The following DGKB variants were observed in gnomAD, a reference collection of about 807,000 sequenced individuals.
The protein encoded by DGKB is 90 kDa diacylglycerol kinase.
DGKB carries 67 observed loss-of-function variants against 114.3 expected under a neutral mutation model. That is an observed-to-expected ratio of 0.59 (90% CI 0.48 to 0.72). The LOEUF (loss-of-function observed/expected upper bound fraction) is 0.72, where lower values mean the gene tolerates loss of function less well. Among genes scored for constraint, DGKB ranks in the 30% least tolerant of loss-of-function variants. The probability of loss-of-function intolerance (pLI) is 0.00; values close to 1 mark genes in which losing one functional copy is unlikely to be tolerated. For synonymous variants in DGKB, 398 were observed against 323.1 expected, an observed-to-expected ratio of 1.23 and a Z score of -2.49; for missense variants, 907 against 975.2, an observed-to-expected ratio of 0.93 and a Z score of 0.93.
At chr7:14,200,048 C>G (rs1249997713) in intron 23 of DGKB, among the ~76,000 whole-genome samples, 1 of 151,994 alleles carries the variant, frequency 6.6e-6, no homozygotes, top group Non-Finnish European at 1.5e-5. Flanking sequence ...GCCTTTAAGT[C>G]TAGAACTTCT....
upstream of DGKB, among the ~76,000 whole-genome samples, chr7:14,905,996 C>T (rs1230797453): frequency 6.6e-6 from 1 of 152,116 alleles, no homozygotes. Flanking sequence ...ATCTATCACT[C>T]ACAGGCTCCA....
chr7:14,651,590 A>G (rs1814506553), intron 13 of DGKB, among the ~76,000 whole-genome samples: 1 of 144,842 alleles, frequency 6.9e-6, no homozygotes, highest in South Asian at 2.3e-4. Context: ...AACTGGCACA[A>G]GACAGGGATG....
At chr7:14,716,396 G>A (rs10499461) in intron 6 of DGKB, among the ~76,000 whole-genome samples, 3,235 of 152,220 alleles carry the variant, frequency 0.021, 108 homozygotes, top group African/African-American at 0.074. Flanking sequence ...TAGCTACCCT[G>A]GAAGTATGAG....
intron 2 of DGKB, among the ~76,000 whole-genome samples, chr7:14,788,936 G>A (rs1840272112): frequency 6.6e-6 from 1 of 152,078 alleles, no homozygotes; most frequent in Admixed American, 6.5e-5. Flanking sequence ...CCAAAGGTGG[G>A]AGGCAGCACA....
At chr7:14,788,621 G>A (rs1681515709) in intron 2 of DGKB, among the ~76,000 whole-genome samples, 2 of 152,228 alleles carry the variant, frequency 1.3e-5, no homozygotes, top group Admixed American at 1.3e-4. Flanking sequence ...CTCAGAACCT[G>A]CAGAAATTAT....
In DGKB at chr7:14,164,453, A is replaced by G. The variant is rs1784353593; in HGVS notation, c.2304+12386T>C. Among the ~76,000 whole-genome samples, 3 of 152,368 alleles carry G rather than the reference A, an allele frequency of 2.0e-5. 1 individual carries two copies. The South Asian group carries it at 6.2e-4, about 32-fold the overall frequency. ...TATTTAATGATATTTAAAGTTAAAGAATTTAATGCAACGGTCTTGGGAGAT... is the reference window on the plus strand; with the variant it reads ...TATTTAATGATATTTAAAGTTAAAGGATTTAATGCAACGGTCTTGGGAGAT... On this transcript the variant is annotated intron_variant, in intron 25 of 25. Coordinates refer to ENST00000402815, the MANE Select transcript of DGKB (RefSeq NM_001350709.2).
chr7:14,653,517 A>AG (rs1294311142), intron 13 of DGKB, among the ~76,000 whole-genome samples: 1 of 142,598 alleles, frequency 7.0e-6, no homozygotes, highest in Non-Finnish European at 1.5e-5. Flanking sequence ...GGGTGGGGGT[A>AG]GGGGGGAGGG....
intron 5 of DGKB, among the ~76,000 whole-genome samples, chr7:14,721,981 CTG>C (rs1829246465): frequency 6.6e-6 from 1 of 152,162 alleles, no homozygotes; most frequent in African/African-American, 2.4e-5. Flanking sequence ...AAATATCTCT[CTG>C]TGTTTCACAT....
chr7:14,472,607 G>C (rs570691035), intron 21 of DGKB, among the ~76,000 whole-genome samples: 3 of 152,188 alleles, frequency 2.0e-5, no homozygotes, highest in Non-Finnish European at 4.4e-5. Context: ...CTGGGTAACA[G>C]GCAGAGGTTG....
intron 22 of DGKB, among the ~76,000 whole-genome samples, chr7:14,340,424 G>A (rs1811424267): frequency 6.6e-6 from 1 of 151,444 alleles, no homozygotes; most frequent in Non-Finnish European, 1.5e-5. Flanking sequence ...TAATTAGATA[G>A]TACATATTTT....
At chr7:14,603,252 GCATTTTATTTTATGATTAAT>G (rs1279725722) in intron 17 of DGKB, among the ~76,000 whole-genome samples, 3 of 152,050 alleles carry the variant, frequency 2.0e-5, no homozygotes, top group Non-Finnish European at 4.4e-5. Flanking sequence ...CGAATCATCT[GCATTTTATTTTATGATTAAT>G]CATGAGAAGG....
chr7:14,339,629 C>T (rs1811283864), intron 22 of DGKB, among the ~76,000 whole-genome samples: 1 of 151,982 alleles, frequency 6.6e-6, no homozygotes, highest in South Asian at 2.1e-4. Flanking sequence ...CAAGACTATT[C>T]TGTATTTTTA....
chr7:14,625,266 T>A (rs1018521121), intron 14 of DGKB, among the ~76,000 whole-genome samples: 7 of 152,272 alleles, frequency 4.6e-5, no homozygotes, highest in Non-Finnish European at 7.4e-5. Flanking sequence ...ATGTGTGGAA[T>A]TTGTGCAATT....
chr7:14,825,014 A>ATT (rs1845471345), intron 2 of DGKB, among the ~76,000 whole-genome samples: 1 of 77,994 alleles, frequency 1.3e-5, no homozygotes, highest in Non-Finnish European at 2.3e-5. Flanking sequence ...ATGTATGTGT[A>ATT]TGTATATATA....
intron 21 of DGKB, among the ~76,000 whole-genome samples, chr7:14,445,148 T>C (rs1830562843): frequency 6.6e-6 from 1 of 151,910 alleles, no homozygotes; most frequent in African/African-American, 2.4e-5. Context: ...TTCTCTCTCT[T>C]GTTCCTTTAT....
At chr7:14,744,900 G>C (rs2128419363) in intron 4 of DGKB, among the ~76,000 whole-genome samples, 1 of 152,092 alleles carries the variant, frequency 6.6e-6, no homozygotes, top group South Asian at 2.1e-4. Context: ...GCAATTTCTG[G>C]CTACAACTCA....
chr7:14,720,787 A>G (rs1829045725), intron 5 of DGKB, among the ~76,000 whole-genome samples: 1 of 152,028 alleles, frequency 6.6e-6, no homozygotes, highest in Non-Finnish European at 1.5e-5. Context: ...TGTATGTCTA[A>G]TACAAACTAA....
intron 21 of DGKB, among the ~76,000 whole-genome samples, chr7:14,457,976 G>C (rs1832526955): frequency 6.6e-6 from 1 of 152,196 alleles, no homozygotes; most frequent in Admixed American, 6.5e-5. Flanking sequence ...GTGTTCTCTG[G>C]ATTGCGGGAA....
At chr7:14,930,119 AC>A (rs1784931614) in intron 1 of DGKB, among the ~76,000 whole-genome samples, 1 of 152,106 alleles carries the variant, frequency 6.6e-6, no homozygotes, top group Non-Finnish European at 1.5e-5. Flanking sequence ...TGTTTTTGTT[AC>A]TATAGCCCTA....
Sources: allele counts gnomAD v4.1 joint callset (sites outside exome capture counted in the v4.1 genomes callset), GRCh38; gene constraint gnomAD v4.1.1; transcripts MANE v1.5; gene names NCBI Gene and HGNC (gene_info 2026-07-23, HGNC 2026-07-21).